The following ZNF831 variants were observed in gnomAD, a reference collection of about 807,000 sequenced individuals.
The protein encoded by ZNF831 is zinc finger protein 831.
ZNF831 carries 59 observed loss-of-function variants against 95.8 expected under a neutral mutation model. The observed-to-expected ratio is 0.62, with a 90% CI of 0.50 to 0.77. The LOEUF (loss-of-function observed/expected upper bound fraction) is 0.77, where lower values mean the gene tolerates loss of function less well. Among genes scored for constraint, ZNF831 ranks in the 30% least tolerant of loss-of-function variants. ZNF831 has a pLI of 0.00. For missense variants in ZNF831, 2,205 were observed against 2,164.0 expected (o/e 1.02, Z -0.38); for synonymous variants, 961 against 925.5 (o/e 1.04, Z -0.70).
Position 59,254,442 on chromosome 20 carries a change from G to A in ZNF831, c.4733G>A (p.Ser1578Asn), listed in dbSNP as rs1988076179. 1 of 1,614,216 alleles carries A rather than the reference G, an allele frequency of 6.2e-7. No individual in the cohort carries two copies. The highest frequency in any genetic ancestry group is 8.5e-7 in the Non-Finnish European group (1 of 1,180,038). Residue 1578 changes from serine (S) to asparagine (N), a missense_variant, in exon 6 of 6, where the codon AGT becomes AAT. Transcript: ENST00000371030. The surrounding 1 kb of genome is among the most constrained non-coding windows in gnomAD (Gnocchi z 4.5). The stretch of plus-strand genomic sequence containing the variant: ...CCAGCTTCAGGACCAAGTTCAGCTA[G>A]TTCACACCACAAGGAAGGGAGACAC... ...EIPASGPSSA[S>N]SHHKEGRHKT...
intron 1 of ZNF831, among the ~76,000 whole-genome samples, chr20:59,176,006 G>A (rs1982126041): frequency 6.6e-6 from 1 of 152,242 alleles, no homozygotes; most frequent in African/African-American, 2.4e-5. Context: ...AGTAGCACTG[G>A]CTTTCTGCCA....
intron 1 of ZNF831, among the ~76,000 whole-genome samples, chr20:59,134,006 T>C (rs955610633): frequency 2.2e-4 from 34 of 152,336 alleles, no homozygotes; most frequent in African/African-American, 7.9e-4. Flanking sequence ...GGCCCTGATA[T>C]GGGAACACCT....
intron 1 of ZNF831, among the ~76,000 whole-genome samples, chr20:59,178,184 TG>T (rs1238774253): frequency 6.6e-6 from 1 of 152,192 alleles, no homozygotes; most frequent in African/African-American, 2.4e-5. Flanking sequence ...TCCTTTCACT[TG>T]GGCATTATGA....
At chr20:59,141,052 A>G (rs1191504779) in intron 1 of ZNF831, among the ~76,000 whole-genome samples, 1 of 152,108 alleles carries the variant, frequency 6.6e-6, no homozygotes, top group Non-Finnish European at 1.5e-5. Context: ...GGTGCGCACC[A>G]CCACACCTGG....
intron 1 of ZNF831, among the ~76,000 whole-genome samples, chr20:59,142,069 G>A (rs559543330): frequency 9.2e-5 from 14 of 152,150 alleles, no homozygotes; most frequent in African/African-American, 2.4e-4. Flanking sequence ...GATGGCTTGC[G>A]GCTAATGTAT....
intron 4 of ZNF831, among the ~76,000 whole-genome samples, chr20:59,236,653 C>A (rs1196659264): frequency 2.0e-5 from 3 of 149,938 alleles, no homozygotes; most frequent in South Asian, 2.1e-4. Context: ...TCCCAAAGTG[C>A]TGGGATTGCA....
intron 1 of ZNF831, among the ~76,000 whole-genome samples, chr20:59,173,277 T>C (rs1456387626): frequency 6.6e-6 from 1 of 152,182 alleles, no homozygotes; most frequent in Non-Finnish European, 1.5e-5. Flanking sequence ...GACTGTGAAT[T>C]CAACTGCCAT....
chr20:59,197,911 T>C (rs960949593), intron 3 of ZNF831, among the ~76,000 whole-genome samples: 21 of 152,240 alleles, frequency 1.4e-4, no homozygotes, highest in Admixed American at 5.2e-4. Flanking sequence ...CTCCTCAGTA[T>C]CTCACCAATA....
In ZNF831 at chr20:59,240,529, C is replaced by T. The variant is rs918943872; in HGVS notation, c.4028-12449C>T. On this transcript the variant is annotated intron_variant, in intron 4 of 5. Coordinates refer to ENST00000371030, the MANE Select transcript of ZNF831 (RefSeq NM_178457.3). ...GAAAATTATTTCTAGGGGCCGGGCG[C>T]GGTGGCTCACTCCTGTAATCCCAGC... is the stretch of plus-strand genomic sequence containing the variant. Among the ~76,000 whole-genome samples, 7 of 152,178 alleles carry T rather than the reference C, an allele frequency of 4.6e-5. No individual in the cohort carries two copies. The South Asian group carries it at 1.5e-3, about 32-fold the overall frequency.
At chr20:59,237,399 T>C (rs1987059398) in intron 4 of ZNF831, among the ~76,000 whole-genome samples, 2 of 152,120 alleles carry the variant, frequency 1.3e-5, no homozygotes. Flanking sequence ...CAGGCTGGAG[T>C]GCAGTGGCGC....
chr20:59,172,765 C>A (rs1238503275), intron 1 of ZNF831, among the ~76,000 whole-genome samples: 3 of 152,180 alleles, frequency 2.0e-5, no homozygotes, highest in Non-Finnish European at 4.4e-5. Flanking sequence ...TAAGTGCACT[C>A]CTGTCAATGA....
At chr20:59,140,622 A>G (rs1451619588) in intron 1 of ZNF831, among the ~76,000 whole-genome samples, 1 of 152,210 alleles carries the variant, frequency 6.6e-6, no homozygotes, top group African/African-American at 2.4e-5. Context: ...GTCTTATTTA[A>G]CTATAGAAAT....
At position 59,191,058 on chromosome 20, in the gene ZNF831, G is replaced by A. The variant is rs148289392; in HGVS notation, c.39G>A (p.Ala13=). Residue 13 remains alanine (A), a synonymous_variant, in exon 2 of 6, where the codon GCG becomes GCA. Coordinates refer to ENST00000371030, the MANE Select transcript of ZNF831 (RefSeq NM_178457.3). ...AACCCACCTGCCCTGCCCCTCCTGC[G>A]AGGGACCAGCCAGCTCCCACTCCTG... ...VPEPTCPAPP[A]RDQPAPTPGP... is the part of the protein sequence containing the mutation. 1,702 of 1,499,238 alleles carry A rather than the reference G, an allele frequency of 1.1e-3. 5 individuals carry two copies. The highest frequency in any genetic ancestry group is 2.6e-3 in the Admixed American group (111 of 42,286). 92.9% of individuals were successfully genotyped at this position (1,499,238 alleles called of 1,614,324 possible).
At chr20:59,156,215 C>A (rs77909999) in intron 2 of ZNF831, among the ~76,000 whole-genome samples, 13,960 of 152,220 alleles carry the variant, frequency 0.092, 752 homozygotes, top group Non-Finnish European at 0.12. Flanking sequence ...AAAACATAAC[C>A]TATGATCTAC....
At chr20:59,213,838 T>C (rs531722292) in intron 4 of ZNF831, among the ~76,000 whole-genome samples, 107 of 152,308 alleles carry the variant, frequency 7.0e-4, no homozygotes, top group African/African-American at 2.4e-3. Context: ...CTCCGTTTTA[T>C]GGATGGAAGC....
chr20:59,147,908 G>C (rs1261395412), intron 2 of ZNF831, among the ~76,000 whole-genome samples: 1 of 152,214 alleles, frequency 6.6e-6, no homozygotes, highest in African/African-American at 2.4e-5. Context: ...TTTCTGAGGT[G>C]GTAAAAGGGG....
At position 59,195,868 on chromosome 20, in the gene ZNF831, G is replaced by A. The variant is rs764696420; in HGVS notation, c.3739-1G>A. The stretch of plus-strand genomic sequence containing the variant: ...GATGCCAACATGCTTGGTGTTTTCA[G>A]TTCTCCTACCCAACAGTCCCAGGGG... On this transcript the variant is annotated splice_acceptor_variant, in intron 2 of 5. Coordinates refer to ENST00000371030, the MANE Select transcript of ZNF831 (RefSeq NM_178457.3). LOFTEE classifies it high-confidence loss of function. 18 of 1,611,112 alleles carry A rather than the reference G, an allele frequency of 1.1e-5. No individual in the cohort carries two copies. The highest frequency in any genetic ancestry group is 2.7e-5 in the African/African-American group (2 of 74,734).
chr20:59,125,664 A>G (rs1165042880), intron 1 of ZNF831, among the ~76,000 whole-genome samples: 2 of 152,196 alleles, frequency 1.3e-5, no homozygotes, highest in Non-Finnish European at 2.9e-5. Flanking sequence ...GTGTCAAGGA[A>G]TTGGGGAAAA....
chr20:59,230,454 A>G (rs1389375578), intron 4 of ZNF831, among the ~76,000 whole-genome samples: 1 of 152,196 alleles, frequency 6.6e-6, no homozygotes, highest in Non-Finnish European at 1.5e-5. Context: ...CCTGGATGAC[A>G]GAACAACAGA....
Sources: allele counts gnomAD v4.1 joint callset (sites outside exome capture counted in the v4.1 genomes callset), GRCh38; gene constraint gnomAD v4.1.1; non-coding constraint Gnocchi (gnomAD v3.1); transcripts MANE v1.5; gene names NCBI Gene and HGNC (gene_info 2026-07-23, HGNC 2026-07-21).